PARD3: variants seen among roughly 807,000 people sequenced by gnomAD.
PARD3 encodes the protein partitioning defective 3 homolog.
Under a neutral mutation model 155.4 loss-of-function variants are expected in PARD3, and 75 were observed. The ratio of observed to expected loss-of-function variants is 0.48; its 90% confidence interval spans 0.40 to 0.58. PARD3 has a LOEUF of 0.58. Ranked by LOEUF, PARD3 falls within the 20% of genes least tolerant of loss-of-function variation. The pLI, the probability that PARD3 is intolerant of heterozygous loss-of-function variation, is 0.00. For synonymous variants in PARD3, 576 were observed against 610.5 expected, an observed-to-expected ratio of 0.94 and a Z score of 0.83; for missense variants, 1,642 against 1,721.7, an observed-to-expected ratio of 0.95 and a Z score of 0.82.
chr10:34,812,073 T>A (rs990048552), intron 1 of PARD3, among the ~76,000 whole-genome samples: 3 of 152,168 alleles, frequency 2.0e-5, no homozygotes, highest in African/African-American at 7.2e-5. Flanking sequence ...ATCTACTCAC[T>A]GAGGACATGT....
chr10:34,298,989 A>C (rs1387079446), intron 20 of PARD3, among the ~76,000 whole-genome samples: 3 of 152,220 alleles, frequency 2.0e-5, no homozygotes, highest in Non-Finnish European at 2.9e-5. Context: ...GCAAGCAAGG[A>C]GTGTCTGCTT....
chr10:34,189,258 A>C (rs2133251406), intron 22 of PARD3, among the ~76,000 whole-genome samples: 1 of 152,354 alleles, frequency 6.6e-6, no homozygotes, highest in East Asian at 1.9e-4. Context: ...TGAGCCCAGG[A>C]GCTGGAGGAT....
intron 1 of PARD3, among the ~76,000 whole-genome samples, chr10:34,779,290 A>G (rs1041192053): frequency 3.3e-5 from 5 of 150,372 alleles, no homozygotes; most frequent in Non-Finnish European, 5.9e-5. Flanking sequence ...TGGGTGAAAG[A>G]GCTAGACTCC....
rs1947372212 is a variant in PARD3 at position 34,127,891 on chromosome 10, T to C, written c.3540+3572A>G. On this transcript the variant is annotated intron_variant, in intron 23 of 24. Transcript: ENST00000374788. ...CCTGTTTCAAGAAATGTAGTAGGAA[T>C]GGATTGAGTCAATTATGCCAAACAA... is the stretch of plus-strand genomic sequence containing the variant. Among the ~76,000 whole-genome samples, 3 of 152,228 alleles carry C rather than the reference T, an allele frequency of 2.0e-5. No homozygotes were observed. The South Asian group carries it at 6.2e-4, about 32-fold the overall frequency.
intron 22 of PARD3, among the ~76,000 whole-genome samples, chr10:34,175,218 C>G (rs1247354466): frequency 6.6e-6 from 1 of 152,130 alleles, no homozygotes; most frequent in African/African-American, 2.4e-5. Flanking sequence ...TCATGGAGAG[C>G]TAAGCATCGA....
intron 2 of PARD3, among the ~76,000 whole-genome samples, chr10:34,552,635 AC>A (rs2084676453): frequency 6.6e-6 from 1 of 151,918 alleles, no homozygotes. Flanking sequence ...AATTGGTTGA[AC>A]CCAGGAAGCG....
chr10:34,650,865 G>T (rs1363712448), intron 2 of PARD3, among the ~76,000 whole-genome samples: 3 of 151,918 alleles, frequency 2.0e-5, no homozygotes, highest in Non-Finnish European at 4.4e-5. Flanking sequence ...TACAAAATTA[G>T]CCTGGCATGG....
At chr10:34,743,747 C>T (rs1327579986) in intron 1 of PARD3, among the ~76,000 whole-genome samples, 1 of 152,132 alleles carries the variant, frequency 6.6e-6, no homozygotes, top group African/African-American at 2.4e-5. Context: ...ACCTGCACAT[C>T]GGCTGTCTAA....
intron 22 of PARD3, among the ~76,000 whole-genome samples, chr10:34,244,027 C>G (rs535928353): frequency 9.5e-4 from 144 of 152,258 alleles, no homozygotes; most frequent in African/African-American, 3.1e-3. Flanking sequence ...TTCCCAAATT[C>G]TCAGTGCTTA....
intron 22 of PARD3, among the ~76,000 whole-genome samples, chr10:34,157,580 C>A (rs1343563437): frequency 5.9e-5 from 9 of 152,148 alleles, no homozygotes; most frequent in Admixed American, 5.9e-4. Context: ...TAATTTTCCC[C>A]ATAAAACTAA....
intron 2 of PARD3, among the ~76,000 whole-genome samples, chr10:34,596,570 G>A (rs2089281271): frequency 6.6e-6 from 1 of 152,140 alleles, no homozygotes; most frequent in Admixed American, 6.5e-5. Flanking sequence ...CACAAGAACA[G>A]CATAGGGGAA....
intron 2 of PARD3, among the ~76,000 whole-genome samples, chr10:34,576,307 G>A (rs1017389944): frequency 4.6e-5 from 7 of 152,120 alleles, no homozygotes; most frequent in African/African-American, 1.2e-4. Context: ...TCGCCATCCC[G>A]ACCTTCCAGA....
chr10:34,143,886 CTGAT>C lies in PARD3; in HGVS notation c.3420-12307_3420-12304del, dbSNP rs1197671780. ...TTTAAAGATCATTAAAATATTCTTC[CTGAT>C]TGATTTTTTTACTTCTATTTATGCT... On this transcript the variant is annotated intron_variant, in intron 22 of 24. Coordinates refer to ENST00000374788, the MANE Select transcript of PARD3 (RefSeq NM_001184785.2). 9.2e-5 allele frequency among the ~76,000 whole-genome samples: 14 copies of C among 152,090 alleles called. No individual in the cohort carries two copies. In the East Asian group the frequency reaches 2.1e-3, roughly 23 times the overall value.
chr10:34,140,206 T>C (rs896527843), intron 22 of PARD3, among the ~76,000 whole-genome samples: 3 of 152,196 alleles, frequency 2.0e-5, no homozygotes, highest in Admixed American at 2.0e-4. Context: ...CAGAGAGACA[T>C]GGTCAGGATA....
At chr10:34,664,444 G>A (rs1375763374) in intron 2 of PARD3, among the ~76,000 whole-genome samples, 1 of 151,322 alleles carries the variant, frequency 6.6e-6, no homozygotes, top group East Asian at 2.0e-4. Flanking sequence ...CTTGTGATCC[G>A]CCCACCTCAG....
intron 22 of PARD3, among the ~76,000 whole-genome samples, chr10:34,134,281 T>C (rs995883664): frequency 6.6e-6 from 1 of 152,236 alleles, no homozygotes; most frequent in African/African-American, 2.4e-5. Context: ...TTTTTCCACC[T>C]GTGCTTTTTT....
chr10:34,449,076 G>A (rs1316909203), intron 5 of PARD3, among the ~76,000 whole-genome samples: 2 of 107,134 alleles, frequency 1.9e-5, no homozygotes, highest in Non-Finnish European at 3.4e-5. Context: ...CCGCCACCAC[G>A]CCCGGCTATT....
intron 1 of PARD3, among the ~76,000 whole-genome samples, chr10:34,799,603 T>A (rs960108120): frequency 1.3e-5 from 2 of 152,186 alleles, no homozygotes; most frequent in Non-Finnish European, 2.9e-5. Flanking sequence ...GATCACTTAC[T>A]CTTTCTTATG....
At chr10:34,479,600 T>C (rs2078943549) in intron 3 of PARD3, among the ~76,000 whole-genome samples, 1 of 152,180 alleles carries the variant, frequency 6.6e-6, no homozygotes, top group African/African-American at 2.4e-5. Context: ...TATCACCCAA[T>C]GTTTAGCCCC....
Sources: allele counts gnomAD v4.1 joint callset (sites outside exome capture counted in the v4.1 genomes callset), GRCh38; gene constraint gnomAD v4.1.1; transcripts MANE v1.5; gene names NCBI Gene and HGNC (gene_info 2026-07-23, HGNC 2026-07-21).